The following SORCS3 variants were observed in gnomAD, a reference collection of about 807,000 sequenced individuals.
SORCS3 encodes sortilin related VPS10 domain containing receptor 3.
Under a neutral mutation model 146.3 loss-of-function variants are expected in SORCS3, and 57 were observed. That is an observed-to-expected ratio of 0.39 (90% CI 0.31 to 0.49). The LOEUF is 0.49. Among genes scored for constraint, SORCS3 ranks in the 20% least tolerant of loss-of-function variants. The probability of loss-of-function intolerance (pLI) is 0.92; values close to 1 mark genes in which losing one functional copy is unlikely to be tolerated. For missense variants in SORCS3, 1,341 were observed against 1,575.5 expected (o/e 0.85, Z 2.52); for synonymous variants, 653 against 618.5 (o/e 1.06, Z -0.83).
chr10:105,015,874 C>G (rs551307850), intron 4 of SORCS3, among the ~76,000 whole-genome samples: 1 of 151,184 alleles, frequency 6.6e-6, no homozygotes, highest in Non-Finnish European at 1.5e-5. Context: ...GGATTACAGG[C>G]GCACACCACC....
chr10:104,648,329 A>G (rs991021329), intron 1 of SORCS3, among the ~76,000 whole-genome samples: 3 of 152,182 alleles, frequency 2.0e-5, no homozygotes, highest in African/African-American at 7.2e-5. Context: ...TTCTCTTGGA[A>G]GAGCCATCCC....
At chr10:104,924,511 A>G (rs796435332) in intron 3 of SORCS3, among the ~76,000 whole-genome samples, 6 of 152,352 alleles carry the variant, frequency 3.9e-5, no homozygotes, top group African/African-American at 1.4e-4. Flanking sequence ...TGCAGCTGGA[A>G]TCTCATTTCA....
At chr10:105,147,473 T>TTAAA (rs2056139177) in intron 8 of SORCS3, 144 bp from the exon 9 acceptor site, 1 of 601,274 alleles carries the variant, frequency 1.7e-6, no homozygotes, top group Admixed American at 3.7e-5. Context: ...ATTTATAGCC[T>TTAAA]TGGTTCAACA....
At position 105,147,725 on chromosome 10, in the gene SORCS3, T is replaced by G; in HGVS notation, c.1411T>G (p.Phe471Val). The change falls in exon 9 of 27, where the codon TTC becomes GTC. Residue 471 changes from phenylalanine to valine, a missense_variant. By Grantham distance (50) the Phe-to-Val change is conservative (BLOSUM62 -1). Transcript: ENST00000369701. ...LYISDTRGIY[F>V]TLAMENIKSS... ...CATCTCAGACACGCGTGGGATTTACTTCACTCTGGCCATGGAGAACATCAA... is the reference window on the plus strand; with the variant it reads ...CATCTCAGACACGCGTGGGATTTACGTCACTCTGGCCATGGAGAACATCAA... 1 of 1,613,166 alleles carries G rather than the reference T, an allele frequency of 6.2e-7. No individual in the cohort carries two copies. The highest frequency in any genetic ancestry group is 8.5e-7 in the Non-Finnish European group (1 of 1,179,354).
intron 4 of SORCS3, among the ~76,000 whole-genome samples, chr10:105,034,667 G>A (rs956204593): frequency 6.6e-6 from 1 of 152,194 alleles, no homozygotes; most frequent in African/African-American, 2.4e-5. Flanking sequence ...CAGAAGGTTT[G>A]ATCATCCAAA....
In SORCS3 at chr10:104,897,235, G is replaced by A. The variant is rs960935946; in HGVS notation, c.696-18598G>A. ...TGTGGGCCTATCATGTTTTCACCCCGTCCTAGGGCCCTGTCCTCATACAAA... is the reference window on the plus strand; with the variant it reads ...TGTGGGCCTATCATGTTTTCACCCCATCCTAGGGCCCTGTCCTCATACAAA... On this transcript the variant is annotated intron_variant, in intron 2 of 26. Coordinates refer to ENST00000369701, the MANE Select transcript of SORCS3 (RefSeq NM_014978.3). Among the ~76,000 whole-genome samples, 14 of 152,238 alleles carry A rather than the reference G, an allele frequency of 9.2e-5. No individual in the cohort carries two copies. The South Asian group carries it at 1.5e-3, about 16-fold the overall frequency.
chr10:104,814,521 CTA>C (rs1417449386), intron 1 of SORCS3, among the ~76,000 whole-genome samples: 1 of 152,184 alleles, frequency 6.6e-6, no homozygotes, highest in Non-Finnish European at 1.5e-5. Flanking sequence ...ATGCATGTCT[CTA>C]TGTGTCAGAC....
intron 7 of SORCS3, among the ~76,000 whole-genome samples, chr10:105,112,459 G>C (rs2055864815): frequency 6.6e-6 from 1 of 152,106 alleles, no homozygotes; most frequent in South Asian, 2.1e-4. Context: ...AAATAAAGTT[G>C]CCTCTGCAGG....
At chr10:104,875,571 G>A (rs1347204467) in intron 2 of SORCS3, among the ~76,000 whole-genome samples, 4 of 152,120 alleles carry the variant, frequency 2.6e-5, no homozygotes, top group African/African-American at 9.7e-5. Context: ...ATTACTGGGA[G>A]CTTCAGATCA....
chr10:105,021,359 C>T (rs1417754756), intron 4 of SORCS3, among the ~76,000 whole-genome samples: 5 of 152,076 alleles, frequency 3.3e-5, no homozygotes, highest in African/African-American at 9.7e-5. Flanking sequence ...AGAGTGGAAC[C>T]CTTATGAACC....
chr10:105,008,602 G>A (rs1015598459), intron 4 of SORCS3, among the ~76,000 whole-genome samples: 2 of 152,166 alleles, frequency 1.3e-5, no homozygotes, highest in Non-Finnish European at 2.9e-5. Context: ...AAACTATAAT[G>A]AAAGGTAGTT....
intron 3 of SORCS3, among the ~76,000 whole-genome samples, chr10:104,968,045 C>T (rs1052381199): frequency 6.6e-6 from 1 of 152,106 alleles, no homozygotes; most frequent in South Asian, 2.1e-4. Flanking sequence ...TAATCATTAT[C>T]TCATTTAATC....
intron 3 of SORCS3, among the ~76,000 whole-genome samples, chr10:104,939,468 T>C (rs748021656): frequency 2.0e-5 from 3 of 152,200 alleles, no homozygotes; most frequent in Non-Finnish European, 2.9e-5. Context: ...AAAGCAGGTG[T>C]ACTCTCTGCA....
intron 3 of SORCS3, among the ~76,000 whole-genome samples, chr10:104,922,347 A>G (rs1284809632): frequency 6.6e-6 from 1 of 152,202 alleles, no homozygotes; most frequent in African/African-American, 2.4e-5. Flanking sequence ...CTCTGAGCAA[A>G]GTATGTTTTG....
At chr10:104,661,755 T>C (rs2015705032) in intron 1 of SORCS3, among the ~76,000 whole-genome samples, 1 of 152,224 alleles carries the variant, frequency 6.6e-6, no homozygotes. Flanking sequence ...TTAAAATATC[T>C]TGAACAAATT....
At chr10:105,079,146 C>G (rs1203441714) in intron 5 of SORCS3, among the ~76,000 whole-genome samples, 1 of 152,192 alleles carries the variant, frequency 6.6e-6, no homozygotes, top group Admixed American at 6.5e-5. Context: ...GAATCAGAAA[C>G]TCTGAGGGTG....
intron 1 of SORCS3, among the ~76,000 whole-genome samples, chr10:104,693,640 C>T (rs1244947783): frequency 2.6e-5 from 4 of 152,102 alleles, no homozygotes; most frequent in Non-Finnish European, 5.9e-5. Context: ...ATCTAATCTT[C>T]GCAATGACCC....
At chr10:105,255,933 A>G (rs2056928937) in intron 24 of SORCS3, 132 bp downstream of exon 24, 1 of 669,930 alleles carries the variant, frequency 1.5e-6, no homozygotes, top group African/African-American at 1.8e-5. Flanking sequence ...TTTTGTAGTT[A>G]TGGTTCAGAA....
intron 4 of SORCS3, among the ~76,000 whole-genome samples, chr10:105,034,916 A>C (rs2055295825): frequency 6.6e-6 from 1 of 152,186 alleles, no homozygotes; most frequent in Non-Finnish European, 1.5e-5. Context: ...CAAGTCTAGG[A>C]TTCTAATTGC....
Sources: allele counts gnomAD v4.1 joint callset (sites outside exome capture counted in the v4.1 genomes callset), GRCh38; gene constraint gnomAD v4.1.1; transcripts MANE v1.5; gene names NCBI Gene and HGNC (gene_info 2026-07-23, HGNC 2026-07-21).